Variants in STRBP observed in about 807,000 individuals in gnomAD.
STRBP encodes the protein spermatid perinuclear RNA-binding protein.
A neutral mutation model predicts 80.1 loss-of-function variants in STRBP; 13 were observed. The ratio of observed to expected loss-of-function variants is 0.16; its 90% CI spans 0.11 to 0.26. STRBP has a LOEUF of 0.26. Ranked by LOEUF, STRBP falls within the 10% of genes least tolerant of loss-of-function variation. The pLI is 1.00. For synonymous variants in STRBP, 284 were observed against 291.2 expected, an observed-to-expected ratio of 0.98 and a Z score of 0.25; for missense variants, 485 against 815.2, an observed-to-expected ratio of 0.59 and a Z score of 4.93.
intron 4 of STRBP, among the ~76,000 whole-genome samples, chr9:123,175,299 T>C (rs1250985069): frequency 6.6e-6 from 1 of 152,156 alleles, no homozygotes. Context: ...AAACTGAAAG[T>C]CTGACTTCAG....
intron 1 of STRBP, among the ~76,000 whole-genome samples, chr9:123,248,174 A>T (rs1564334587): frequency 2.0e-5 from 3 of 151,658 alleles, no homozygotes; most frequent in Admixed American, 1.3e-4. Flanking sequence ...ATAACATAAT[A>T]CTCAAATCTA....
intron 5 of STRBP, among the ~76,000 whole-genome samples, chr9:123,170,719 G>A (rs1052689180): frequency 2.0e-5 from 3 of 151,992 alleles, no homozygotes; most frequent in Non-Finnish European, 2.9e-5. Flanking sequence ...ATAAACAAAC[G>A]TACAATTTAG....
Position 123,161,144 on chromosome 9 carries a change from A to T in STRBP, c.536-76T>A, listed in dbSNP as rs1429639699. On this transcript the variant is annotated intron_variant, in intron 6 of 18. Transcript: ENST00000348403. ...TCCTATCAAATTATCAAACAATAAA[A>T]AATAAAAAGAATAACAGCATTTGAG... The T allele has an allele frequency of 2.7e-6, 3 of 1,123,260 alleles. No homozygotes were observed. In the East Asian group the frequency reaches 8.0e-5, roughly 30 times the overall value. 69.6% of individuals were successfully genotyped at this position (1,123,260 alleles called of 1,614,324 possible). A position where few individuals can be genotyped will look rare whatever the true frequency, so the allele number is the denominator to read the frequency against.
At chr9:123,181,710 G>T (rs2038464146) in intron 3 of STRBP, among the ~76,000 whole-genome samples, 1 of 148,130 alleles carries the variant, frequency 6.8e-6, no homozygotes, top group Non-Finnish European at 1.5e-5. Context: ...TGAGGCAGGA[G>T]AATTGCTTGA....
intron 1 of STRBP, among the ~76,000 whole-genome samples, chr9:123,256,222 T>C (rs988264243): frequency 3.3e-5 from 5 of 151,896 alleles, no homozygotes; most frequent in Non-Finnish European, 5.9e-5. Context: ...TCTCATTATG[T>C]TGTCCAGGTT....
chr9:123,246,042 G>C (rs2040793486), intron 1 of STRBP, among the ~76,000 whole-genome samples: 2 of 152,176 alleles, frequency 1.3e-5, no homozygotes, highest in African/African-American at 4.8e-5. Context: ...TGAAACTTCT[G>C]TAAGTACAAA....
At chr9:123,224,545 G>A (rs935220527) in intron 2 of STRBP, among the ~76,000 whole-genome samples, 7 of 152,082 alleles carry the variant, frequency 4.6e-5, no homozygotes, top group African/African-American at 9.7e-5. Flanking sequence ...CAACTTTCAC[G>A]GAGCATTTAC....
intron 17 of STRBP, among the ~76,000 whole-genome samples, chr9:123,131,139 GTACAA>G (rs755564973): frequency 4.6e-4 from 70 of 152,318 alleles, no homozygotes; most frequent in Non-Finnish European, 7.6e-4. Flanking sequence ...AGTTTGAAAT[GTACAA>G]TACATTACTG....
intron 6 of STRBP, among the ~76,000 whole-genome samples, chr9:123,169,321 A>G (rs1485218610): frequency 1.3e-5 from 2 of 151,650 alleles, no homozygotes; most frequent in East Asian, 1.9e-4. Context: ...GGCGCCCACC[A>G]CCACGCCTGG....
At chr9:123,142,492 G>T (rs1195408613) in intron 13 of STRBP, among the ~76,000 whole-genome samples, 1 of 152,096 alleles carries the variant, frequency 6.6e-6, no homozygotes, top group Non-Finnish European at 1.5e-5. Flanking sequence ...TGCAAGAATG[G>T]ACTAATACGT....
At chr9:123,120,155 T>C (rs954764941), downstream of STRBP, among the ~76,000 whole-genome samples, 2 of 152,108 alleles carry the variant, frequency 1.3e-5, no homozygotes, top group Non-Finnish European at 2.9e-5. Context: ...ACATCAATAT[T>C]GAAACCCACC....
rs139415643 is a variant in STRBP at position 123,195,286 on chromosome 9, T to C, written c.-164-10988A>G. Among the ~76,000 whole-genome samples the C allele has an allele frequency of 2.6e-3, 395 of 152,290 alleles. 3 individuals are homozygous for C. Among genetic ancestry groups the C allele is most frequent in the Non-Finnish European group, 3.3e-3 (225 of 67,990 alleles). Reference sequence around the variant, plus strand: ...CCCACATCTCACATCTGATCCATCATTAAATCCTGTTACCTATACCTTACA... The same window carrying C: ...CCCACATCTCACATCTGATCCATCACTAAATCCTGTTACCTATACCTTACA... On this transcript the variant is annotated intron_variant, in intron 2 of 18. Transcript: ENST00000348403.
chr9:123,146,203 TTA>T (rs1385663855), intron 13 of STRBP, among the ~76,000 whole-genome samples: 1 of 152,054 alleles, frequency 6.6e-6, no homozygotes, highest in East Asian at 1.9e-4. Flanking sequence ...TCAAATATAC[TTA>T]TAGAGAGATC....
intron 18 of STRBP, among the ~76,000 whole-genome samples, chr9:123,127,776 G>T (rs532654512): frequency 6.6e-6 from 1 of 152,146 alleles, no homozygotes; most frequent in African/African-American, 2.4e-5. Flanking sequence ...AAGAATGAAG[G>T]CTACAAATTT....
intron 13 of STRBP, among the ~76,000 whole-genome samples, chr9:123,142,417 AT>A (rs2036626929): frequency 6.6e-6 from 1 of 152,194 alleles, no homozygotes; most frequent in African/African-American, 2.4e-5. Flanking sequence ...AGTCTGCAGA[AT>A]TGTGAGCCAA....
intron 8 of STRBP, among the ~76,000 whole-genome samples, chr9:123,159,531 T>C (rs1286777215): frequency 6.6e-6 from 1 of 152,214 alleles, no homozygotes; most frequent in African/African-American, 2.4e-5. Flanking sequence ...AAGTTAGTAA[T>C]AGCTAATAAC....
intron 8 of STRBP, 46 bp downstream of exon 8, chr9:123,160,321 C>G: frequency 7.1e-7 from 1 of 1,406,772 alleles, no homozygotes; most frequent in Non-Finnish European, 9.7e-7. Context: ...AGGATTTTCT[C>G]TGCTACAGCT....
intron 2 of STRBP, among the ~76,000 whole-genome samples, chr9:123,184,920 C>G (rs1008778880): frequency 1.3e-5 from 2 of 152,032 alleles, no homozygotes; most frequent in Non-Finnish European, 2.9e-5. Context: ...ACTTCATTAC[C>G]CCTGGATGTC....
intron 2 of STRBP, among the ~76,000 whole-genome samples, chr9:123,218,160 T>G (rs540233853): frequency 6.6e-6 from 1 of 152,166 alleles, no homozygotes; most frequent in South Asian, 2.1e-4. Context: ...TAACTAATAT[T>G]ACCTCCTTCT....
Sources: allele counts gnomAD v4.1 joint callset (sites outside exome capture counted in the v4.1 genomes callset), GRCh38; gene constraint gnomAD v4.1.1; transcripts MANE v1.5; gene names NCBI Gene and HGNC (gene_info 2026-07-23, HGNC 2026-07-21).